Variants in ELF5 observed in about 807,000 individuals in gnomAD.
The protein encoded by ELF5 is ETS-related transcription factor Elf-5.
ELF5 carries 31 observed loss-of-function variants against 38.2 expected under a neutral mutation model. The observed-to-expected ratio is 0.81, with a 90% CI of 0.61 to 1.10. The LOEUF is 1.10. Among genes scored for constraint, ELF5 ranks in the 50% least tolerant of loss-of-function variants. The pLI is 0.00. For missense variants in ELF5, 300 were observed against 306.6 expected (o/e 0.98, Z 0.16); for synonymous variants, 121 against 112.5 (o/e 1.08, Z -0.48).
At chr11:34,493,360 C>T (rs1384490181) in intron 3 of ELF5, 119 bp downstream of exon 3, 11 of 950,734 alleles carry the variant, frequency 1.2e-5, no homozygotes, top group South Asian at 5.9e-5. Context: ...TTTGGATTAA[C>T]GAGAACTCCA....
At chr11:34,500,961 G>A (rs1850449993) in intron 2 of ELF5, among the ~76,000 whole-genome samples, 1 of 148,536 alleles carries the variant, frequency 6.7e-6, no homozygotes, top group Non-Finnish European at 1.5e-5. Context: ...CACTTAGTAT[G>A]TGCCCGTTAT....
chr11:34,492,652 T>C (rs1285982219), intron 3 of ELF5: 3 of 152,250 alleles, frequency 2.0e-5, no homozygotes, highest in Non-Finnish European at 2.9e-5. Context: ...AATATTTCCC[T>C]GAATCCTCTC....
In ELF5 at chr11:34,493,532, G is replaced by A. The variant is rs2133885440; in HGVS notation, c.302C>T (p.Ala101Val). Residue 101 changes from alanine to valine, a missense_variant, in exon 3 of 7, where the codon GCT (alanine) becomes GTT (valine). Transcript: ENST00000257832. Reference protein sequence around the residue: ...SMTQEEFVEAAGLCGEYLYFI... With the variant: ...SMTQEEFVEAVGLCGEYLYFI... ...GTACAGGTACTCGCCGCAGAGGCCA[G>A]CTGCCTCGACGAACTCCTCCTGTGT... The A allele has an allele frequency of 6.2e-7, 1 of 1,614,210 alleles. No homozygotes were observed.
chr11:34,481,125 C>T (rs1197456694), intron 5 of ELF5, among the ~76,000 whole-genome samples, 158 bp from the exon 6 acceptor site: 5 of 152,006 alleles, frequency 3.3e-5, no homozygotes, highest in Admixed American at 3.3e-4. Context: ...TGGGTTCAAG[C>T]GATTCTTCTG....
At chr11:34,513,311 T>G (rs1261061227) in intron 1 of ELF5, among the ~76,000 whole-genome samples, 2 of 152,220 alleles carry the variant, frequency 1.3e-5, no homozygotes, top group Non-Finnish European at 2.9e-5. Flanking sequence ...GGTGGGGGGC[T>G]TTCCTTGAAG....
At chr11:34,511,593 T>C (rs776706778) in intron 1 of ELF5, 3 of 1,614,100 alleles carry the variant, frequency 1.9e-6, no homozygotes, top group Non-Finnish European at 8.5e-7. Context: ...CCCAGATGCC[T>C]CCAGTGGCTT....
At chr11:34,502,672 G>T (rs1850501862) in intron 2 of ELF5, among the ~76,000 whole-genome samples, 1 of 152,208 alleles carries the variant, frequency 6.6e-6, no homozygotes, top group South Asian at 2.1e-4. Context: ...CCCGAGGGCC[G>T]GTGGCTACTT....
chr11:34,494,314 G>A (rs943997189), intron 2 of ELF5, among the ~76,000 whole-genome samples: 1 of 152,214 alleles, frequency 6.6e-6, no homozygotes, highest in Non-Finnish European at 1.5e-5. Context: ...GCTTTAAAGG[G>A]CAGCTGCCCA....
chr11:34,489,904 G>T, intron 4 of ELF5, 105 bp downstream of exon 4: 1 of 1,363,242 alleles, frequency 7.3e-7, no homozygotes, highest in Non-Finnish European at 1.0e-6. Context: ...GTCTGGGATT[G>T]TTTTGGTTCA....
chr11:34,498,951 C>CGTG (rs2133892017), intron 2 of ELF5, among the ~76,000 whole-genome samples: 1 of 152,010 alleles, frequency 6.6e-6, no homozygotes, highest in African/African-American at 2.4e-5. Context: ...AATTAGCGGG[C>CGTG]GTGGTGGTGC....
At chr11:34,504,050 C>G (rs1383157976) in intron 2 of ELF5, among the ~76,000 whole-genome samples, 1 of 152,120 alleles carries the variant, frequency 6.6e-6, no homozygotes, top group Non-Finnish European at 1.5e-5. Context: ...CCACTGCCAC[C>G]CCAACTACTT....
At chr11:34,512,468 G>A (rs1315339072) in intron 1 of ELF5, among the ~76,000 whole-genome samples, 4 of 152,012 alleles carry the variant, frequency 2.6e-5, no homozygotes, top group African/African-American at 9.7e-5. Flanking sequence ...CGAACGTGGG[G>A]CACATTTCTT....
intron 4 of ELF5, among the ~76,000 whole-genome samples, chr11:34,483,654 TAAC>T (rs1324107730): frequency 6.6e-6 from 1 of 152,022 alleles, no homozygotes; most frequent in Non-Finnish European, 1.5e-5. Flanking sequence ...TATGCTGTAC[TAAC>T]TATACTGTAC....
intron 1 of ELF5, among the ~76,000 whole-genome samples, chr11:34,509,704 T>C (rs1850704581): frequency 6.6e-6 from 1 of 152,146 alleles, no homozygotes; most frequent in South Asian, 2.1e-4. Flanking sequence ...CCACTTCTGC[T>C]TTCTGGACTG....
At chr11:34,483,831 C>T (rs1160133796) in intron 4 of ELF5, among the ~76,000 whole-genome samples, 1 of 149,404 alleles carries the variant, frequency 6.7e-6, no homozygotes, top group Non-Finnish European at 1.5e-5. Flanking sequence ...CTATATCATA[C>T]TGCACTGTTC....
chr11:34,511,922 C>CA, intron 1 of ELF5: 1 of 287,452 alleles, frequency 3.5e-6, no homozygotes, highest in Non-Finnish European at 6.6e-6. Flanking sequence ...GTTTACGGGC[C>CA]AAATCATCAC....
rs756773499 is a variant in ELF5, at chr11:34,480,252, T to G, written c.734A>C (p.Lys245Thr). 11 of 1,614,154 alleles carry G rather than the reference T, an allele frequency of 6.8e-6. No homozygotes were observed. In the South Asian group the frequency reaches 1.2e-4, roughly 18 times the overall value. ...VDRRLVYKFG[K>T]NAHGWQEDKL is the part of the protein sequence containing the mutation. ...GTCTTCCTGCCACCCGTGTGCATTTTTTCCAAATTTGTACACTAACCTTCG... is the reference window on the plus strand; with the variant it reads ...GTCTTCCTGCCACCCGTGTGCATTTGTTCCAAATTTGTACACTAACCTTCG... The change falls in exon 7 of 7, where the codon AAA becomes ACA. Residue 245 changes from lysine (K) to threonine (T), a missense_variant. Physicochemically the swap from Lys to Thr is moderately conservative, Grantham distance 78. Coordinates refer to ENST00000257832, the MANE Select transcript of ELF5 (RefSeq NM_001422.4).
intron 4 of ELF5, among the ~76,000 whole-genome samples, chr11:34,483,028 T>A (rs991309515): frequency 2.0e-5 from 3 of 151,980 alleles, no homozygotes; most frequent in Admixed American, 6.5e-5. Context: ...GCACCAGATC[T>A]GCCCCTCCAG....
intron 3 of ELF5, chr11:34,493,188 G>A: frequency 1.7e-6 from 1 of 577,346 alleles, no homozygotes; most frequent in East Asian, 2.8e-5. Flanking sequence ...AAATCATTAT[G>A]AATATACTGT....
Sources: allele counts gnomAD v4.1 joint callset (sites outside exome capture counted in the v4.1 genomes callset), GRCh38; gene constraint gnomAD v4.1.1; transcripts MANE v1.5; gene names NCBI Gene and HGNC (gene_info 2026-07-23, HGNC 2026-07-21).